KANK2: variants seen among roughly 807,000 people sequenced by gnomAD.
The protein encoded by KANK2 is KN motif and ankyrin repeat domains 2.
KANK2 carries 41 observed loss-of-function variants against 74.6 expected under a neutral mutation model. The ratio of observed to expected loss-of-function variants is 0.55; its 90% CI spans 0.43 to 0.71. The LOEUF is 0.71. Among genes scored for constraint, KANK2 ranks in the 30% least tolerant of loss-of-function variants. KANK2 has a pLI of 0.00. For synonymous variants in KANK2, 537 were observed against 519.0 expected (o/e 1.03, Z -0.47); for missense variants, 1,148 against 1,196.4 (o/e 0.96, Z 0.60).
In KANK2 at chr19:11,175,883, G is replaced by A. The variant is rs753009778; in HGVS notation, c.1848+19C>T. On this transcript the variant is annotated intron_variant, in intron 8 of 12. Transcript: ENST00000586659. ...GGGGTCCGGGGGGTGGCCAACCTAGGCCCAGGGCCAGATCGTACCAGCTCC... is the reference window on the plus strand; with the variant it reads ...GGGGTCCGGGGGGTGGCCAACCTAGACCCAGGGCCAGATCGTACCAGCTCC... The A allele has an allele frequency of 6.2e-7, 1 of 1,607,988 alleles. No individual in the cohort carries two copies.
chr19:11,196,615 A>C (rs8103044), intron 1 of KANK2: 149,286 of 152,150 alleles, frequency 0.98, 73,246 homozygotes, highest in Middle Eastern at 1. Context: ...GTCTGAGGGT[A>C]CTCAGTCATC....
intron 3 of KANK2, 105 bp from the exon 4 acceptor site, chr19:11,194,147 G>A (rs558167664): frequency 9.5e-6 from 12 of 1,258,780 alleles, no homozygotes; most frequent in Admixed American, 2.7e-5. Context: ...GAAGAGATGG[G>A]AGCCCACCTG....
chr19:11,175,796 C>A, intron 8 of KANK2, 106 bp downstream of exon 8: 1 of 729,336 alleles, frequency 1.4e-6, no homozygotes, highest in Admixed American at 2.4e-5. Flanking sequence ...TGTCAGGGTC[C>A]CCACTAGGCA....
At chr19:11,180,132 G>A (rs890994893) in intron 4 of KANK2, among the ~76,000 whole-genome samples, 14 of 152,166 alleles carry the variant, frequency 9.2e-5, no homozygotes, top group African/African-American at 2.4e-4. Context: ...GATTACCTCC[G>A]GAGCAGCACC....
Position 11,164,650 on chromosome 19 carries a change from T to C in KANK2, c.*1908A>G, listed in dbSNP as rs2147342026. ...CCCCTCAGACACCCACAATTAATTG[T>C]TTCCAATCAGCTTTGGTTTTGTTTT... On this transcript the variant is annotated 3_prime_UTR_variant, in exon 13 of 13. Transcript: ENST00000586659. 1 of 152,214 alleles carries C rather than the reference T, an allele frequency of 6.6e-6. No individual in the cohort carries two copies. The highest frequency in any genetic ancestry group is 2.4e-5 in the African/African-American group (1 of 41,520). 9.4% of individuals were successfully genotyped at this position (152,214 alleles called of 1,614,324 possible).
Position 11,193,685 on chromosome 19 carries a change from C to G in KANK2, c.395G>C (p.Arg132Pro). The change falls in exon 4 of 13, where the codon CGT (arginine) becomes CCT (proline). Residue 132 changes from arginine to proline, a missense_variant. By Grantham distance (103) the Arg-to-Pro change is moderately radical. Transcript: ENST00000586659. This position sits in a 1 kb window ranked among gnomAD's most constrained non-coding sequence, Gnocchi z 9.6. ...PRVERTLLDA[R>P]RRLEDQAATP... is the part of the protein sequence containing the mutation. ...GGCCGCCTGGTCCTCGAGACGGCGA[C>G]GGGCATCCAGCAGCGTGCGCTCCAC... 6.2e-7 allele frequency: 1 copy of G among 1,608,914 alleles called. No individual in the cohort carries two copies. Among genetic ancestry groups the G allele is most frequent in the Non-Finnish European group, 8.5e-7 (1 of 1,177,538 alleles).
intron 1 of KANK2, chr19:11,196,616 CTCAGTCAT>C (rs2079027531): frequency 1.3e-5 from 2 of 152,146 alleles, no homozygotes; most frequent in African/African-American, 4.8e-5. Context: ...TCTGAGGGTA[CTCAGTCAT>C]CTCACCGCCC....
chr19:11,193,278 C>A lies in KANK2; in HGVS notation c.802G>T (p.Gly268Cys), dbSNP rs942178215. ...DPVALETRSV[G>C]TWVRERDLGM... ...AAGTCCCGTTCTCGAACCCAGGTGCCCACACTCCGGGTCTCCAGTGCCACT... is the reference window on the plus strand; with the variant it reads ...AAGTCCCGTTCTCGAACCCAGGTGCACACACTCCGGGTCTCCAGTGCCACT... Residue 268 changes from glycine to cysteine, a missense_variant, in exon 4 of 13, where the codon GGC becomes TGC. Gly to Cys is a radical substitution (Grantham distance 159, BLOSUM62 -3). Coordinates refer to ENST00000586659, the MANE Select transcript of KANK2 (RefSeq NM_001136191.3). This position sits in a 1 kb window ranked among gnomAD's most constrained non-coding sequence, Gnocchi z 9.6. 6.2e-7 allele frequency: 1 copy of A among 1,611,404 alleles called. No individual in the cohort carries two copies.
chr19:11,192,431 C>CTTT (rs34285924), intron 4 of KANK2: 7,109 of 159,812 alleles, frequency 0.044, 434 homozygotes, highest in Admixed American at 0.055. Context: ...CCTTGGCATT[C>CTTT]TTTTTTTTTT....
In KANK2 at chr19:11,191,277, G is replaced by A. The variant is rs548395484; in HGVS notation, c.1249+1554C>T. ...GCTGGTCTTGAACTCCTGGCCTCAAGCGATCCACCTGCCTTGGCCTCCAAA... is the reference window on the plus strand; with the variant it reads ...GCTGGTCTTGAACTCCTGGCCTCAAACGATCCACCTGCCTTGGCCTCCAAA... On this transcript the variant is annotated intron_variant, in intron 4 of 12. Transcript: ENST00000586659. 2.6e-4 allele frequency among the ~76,000 whole-genome samples: 39 copies of A among 152,262 alleles called. 1 individual carries two copies. The South Asian group carries it at 7.7e-3, about 30-fold the overall frequency.
intron 4 of KANK2, among the ~76,000 whole-genome samples, chr19:11,182,526 T>TAA (rs35598796): frequency 3.4e-4 from 34 of 100,482 alleles, no homozygotes; most frequent in Admixed American, 7.3e-4. Context: ...ACCCTATCTT[T>TAA]AAAAAAAAAA....
At position 11,174,613 on chromosome 19, in the gene KANK2, C is replaced by A. The variant is rs373772224; in HGVS notation, c.1928G>T (p.Arg643Leu). 2.5e-6 allele frequency: 4 copies of A among 1,612,708 alleles called. No individual in the cohort carries two copies. Among genetic ancestry groups the A allele is most frequent in the Non-Finnish European group, 3.4e-6 (4 of 1,179,756 alleles). ...RSDAHPELVR[R>L]HLVTFRAMSA... The stretch of plus-strand genomic sequence containing the variant: ...CATGGCCCGGAACGTGACCAGGTGC[C>A]GCCGCACCAGCTCGGGGTGTGCGTC... Residue 643 changes from arginine to leucine, a missense_variant, in exon 9 of 13, where the codon CGG (arginine) becomes CTG (leucine). Arg to Leu is a moderately radical substitution (Grantham distance 102). Coordinates refer to ENST00000586659, the MANE Select transcript of KANK2 (RefSeq NM_001136191.3).
chr19:11,189,098 T>TCCCCC (rs71297565), intron 4 of KANK2, among the ~76,000 whole-genome samples: 379 of 126,534 alleles, frequency 3.0e-3, no homozygotes, highest in Non-Finnish European at 3.4e-3. Flanking sequence ...ATTGATTCTC[T>TCCCCC]CCCCCCCCAC....
Position 11,174,503 on chromosome 19 carries a change from A to G in KANK2, c.2038T>C (p.Phe680Leu). Residue 680 changes from phenylalanine (F) to leucine (L), a missense_variant, in exon 9 of 13, where the codon TTC becomes CTC. Transcript: ENST00000586659. ...TCGAGCAGCTGCTGCACCACGGGGA[A>G]GTTGGCATGAGACACGGAGTAGTGC... Reference protein sequence around the residue: ...ALHYSVSHANFPVVQQLLDSG... With the variant: ...ALHYSVSHANLPVVQQLLDSG... 1.2e-6 allele frequency: 2 copies of G among 1,613,070 alleles called. No individual in the cohort carries two copies. The highest frequency in any genetic ancestry group is 1.7e-6 in the Non-Finnish European group (2 of 1,179,622).
At chr19:11,191,469 C>G (rs761034123) in intron 4 of KANK2, among the ~76,000 whole-genome samples, 1 of 152,222 alleles carries the variant, frequency 6.6e-6, no homozygotes, top group Non-Finnish European at 1.5e-5. Context: ...TGGGAAGCAC[C>G]CCCTTCCTCC....
intron 4 of KANK2, among the ~76,000 whole-genome samples, chr19:11,187,559 T>C (rs1321110387): frequency 6.6e-6 from 1 of 152,038 alleles, no homozygotes; most frequent in Non-Finnish European, 1.5e-5. Flanking sequence ...GGTGCTGTTT[T>C]TACATTTTTA....
chr19:11,192,869 T>G lies in KANK2; in HGVS notation c.1211A>C (p.Lys404Thr). 6.2e-7 allele frequency: 1 copy of G among 1,612,576 alleles called. No individual in the cohort carries two copies. The highest frequency in any genetic ancestry group is 1.1e-5 in the South Asian group (1 of 91,066). ...GCAGCTTCGCTCTGTGATGCTAATC[T>G]TCTTCACCATATGGACGTTGCTGGT... is the stretch of plus-strand genomic sequence containing the variant. ...AATSNVHMVK[K>T]ISITERSCDG... The change falls in exon 4 of 13, where the codon AAG becomes ACG. Residue 404 changes from lysine to threonine, a missense_variant. Lys to Thr is a moderately conservative substitution (Grantham distance 78). Coordinates refer to ENST00000586659, the MANE Select transcript of KANK2 (RefSeq NM_001136191.3).
In KANK2 at chr19:11,170,153, A is replaced by T; in HGVS notation, c.2307T>A (p.Asp769Glu). The change falls in exon 11 of 13, where the codon GAT (aspartate) becomes GAA (glutamate). Residue 769 changes from aspartate (D) to glutamate (E), a missense_variant. By Grantham distance (45) the Asp-to-Glu change is conservative. Transcript: ENST00000586659. The surrounding 1 kb of genome is among the most constrained non-coding windows in gnomAD (Gnocchi z 5.2). The stretch of plus-strand genomic sequence containing the variant: ...ACATGAGGGCCGTGGAGCCGTCATC[A>T]TCTTGCACGTTGACATCTGCCTCAC... ...LACEADVNVQDDDGSTALMCA... is the reference protein window; with the variant it reads ...LACEADVNVQEDDGSTALMCA... The T allele has an allele frequency of 6.2e-7, 1 of 1,612,478 alleles. No individual in the cohort carries two copies.
rs768119425 is a variant in KANK2, at chr19:11,193,118, G to C, written c.962C>G (p.Pro321Arg). Residue 321 changes from proline to arginine, a missense_variant, in exon 4 of 13, where the codon CCG (proline) becomes CGG (arginine). Transcript: ENST00000586659. The surrounding 1 kb of genome is among the most constrained non-coding windows in gnomAD (Gnocchi z 9.6). The stretch of plus-strand genomic sequence containing the variant: ...TGTATCCACGCGGACCGGGCTGTCC[G>C]GCGGTGGCCAGGCCTGGGGCTGGGG... ...ADPQPQAWPPPDSPVRVDTVR... is the reference protein window; with the variant it reads ...ADPQPQAWPPRDSPVRVDTVR... 4.4e-6 allele frequency: 7 copies of C among 1,605,832 alleles called. No individual in the cohort carries two copies. Among genetic ancestry groups the C allele is most frequent in the African/African-American group, 1.3e-5 (1 of 74,730 alleles).
Sources: gnomAD v4.1 joint callset for allele counts (sites outside exome capture counted in the v4.1 genomes callset) on GRCh38, gnomAD v4.1.1 for gene constraint, Gnocchi (gnomAD v3.1) non-coding constraint, MANE v1.5 for transcripts, NCBI Gene and HGNC (gene_info 2026-07-23, HGNC 2026-07-21) for gene names.